QTMAN: variants seen among roughly 807,000 people sequenced by gnomAD.
QTMAN encodes the protein tRNA-queuosine alpha-mannosyltransferase.
chr2:144,195,031 C>T, the QTMAN span, among the ~76,000 whole-genome samples: 1 of 152,140 alleles, frequency 6.6e-6, no homozygotes, highest in Non-Finnish European at 1.5e-5. Flanking sequence ...ATTCATGCCC[C>T]ATCTAAAGCC....
the QTMAN span, among the ~76,000 whole-genome samples, chr2:144,028,348 G>A: frequency 6.6e-6 from 1 of 152,068 alleles, no homozygotes; most frequent in African/African-American, 2.4e-5. Context: ...AACCTAGAGA[G>A]TTATAATAAA....
the QTMAN span, among the ~76,000 whole-genome samples, chr2:144,104,442 G>A: frequency 3.9e-5 from 6 of 152,152 alleles, no homozygotes; most frequent in African/African-American, 4.8e-5. Flanking sequence ...CTTAGCAAAC[G>A]GCACACCAGG....
At chr2:143,940,212 G>A in the QTMAN span, 3 of 152,190 alleles carry the variant, frequency 2.0e-5, no homozygotes, top group African/African-American at 4.8e-5. Flanking sequence ...AAGGACAGAC[G>A]CTTTGGTTTG....
At chr2:144,087,239 T>C in the QTMAN span, among the ~76,000 whole-genome samples, 2 of 152,066 alleles carry the variant, frequency 1.3e-5, no homozygotes, top group Admixed American at 6.6e-5. Context: ...GTAGACAAAT[T>C]TCTTGAGAAA....
At chr2:144,271,946 C>T in the QTMAN span, among the ~76,000 whole-genome samples, 2 of 152,140 alleles carry the variant, frequency 1.3e-5, no homozygotes, top group Admixed American at 1.3e-4. Context: ...ATCCCATTTC[C>T]CTCCTTCTTT....
At chr2:144,274,229 G>C in the QTMAN span, among the ~76,000 whole-genome samples, 1 of 152,238 alleles carries the variant, frequency 6.6e-6, no homozygotes, top group Non-Finnish European at 1.5e-5. Flanking sequence ...GGCACTAGGA[G>C]AATCTTGTTC....
At chr2:143,988,865 T>C in the QTMAN span, among the ~76,000 whole-genome samples, 6 of 152,248 alleles carry the variant, frequency 3.9e-5, no homozygotes, top group African/African-American at 1.4e-4. Flanking sequence ...TATTTGGTAC[T>C]ATAGTTGAAA....
At chr2:143,970,817 A>T in the QTMAN span, 1 of 1,005,298 alleles carries the variant, frequency 9.9e-7, no homozygotes, top group Non-Finnish European at 1.6e-6. Flanking sequence ...TGTGTTAGGA[A>T]AAGTGGTTTC....
the QTMAN span, among the ~76,000 whole-genome samples, chr2:143,948,584 G>A: frequency 6.6e-6 from 1 of 151,994 alleles, no homozygotes; most frequent in African/African-American, 2.4e-5. Flanking sequence ...TTTCTATACT[G>A]GTAATGAGGG....
At chr2:144,193,422 TTATATATAATATATATTATG>T in the QTMAN span, among the ~76,000 whole-genome samples, 1 of 148,350 alleles carries the variant, frequency 6.7e-6, no homozygotes, top group African/African-American at 2.4e-5. Context: ...ATATATTATG[TTATATATAATATATATTATG>T]TATATATAAT....
the QTMAN span, among the ~76,000 whole-genome samples, chr2:144,282,168 G>T: frequency 2.0e-5 from 3 of 152,028 alleles, no homozygotes; most frequent in African/African-American, 7.2e-5. Flanking sequence ...CTAAACATGG[G>T]GCCCAGCATT....
At chr2:144,215,251 A>T in the QTMAN span, among the ~76,000 whole-genome samples, 6 of 140,080 alleles carry the variant, frequency 4.3e-5, no homozygotes, top group East Asian at 4.0e-4. Flanking sequence ...TTATTTTTTA[A>T]AAAAAAAAAA....
At chr2:144,258,044 T>A in the QTMAN span, among the ~76,000 whole-genome samples, 1 of 149,682 alleles carries the variant, frequency 6.7e-6, no homozygotes, top group African/African-American at 2.5e-5. Context: ...GGAGGAAAAA[T>A]CATAGATTAA....
chr2:144,076,649 T>C, the QTMAN span, among the ~76,000 whole-genome samples: 1 of 152,186 alleles, frequency 6.6e-6, no homozygotes, highest in African/African-American at 2.4e-5. Flanking sequence ...ATTTTTCACA[T>C]TACTTTGGGG....
At chr2:143,970,033 T>C in the QTMAN span, among the ~76,000 whole-genome samples, 2 of 152,358 alleles carry the variant, frequency 1.3e-5, no homozygotes, top group East Asian at 1.9e-4. Flanking sequence ...TGTGTGCTTA[T>C]GAATCCTCAT....
the QTMAN span, chr2:143,940,849 T>C: frequency 6.6e-6 from 1 of 152,234 alleles, no homozygotes; most frequent in Non-Finnish European, 1.5e-5. Context: ...GAGTCAGTTG[T>C]CCAGAAATAT....
the QTMAN span, among the ~76,000 whole-genome samples, chr2:144,303,926 A>G: frequency 3.3e-5 from 5 of 152,238 alleles, no homozygotes; most frequent in African/African-American, 1.2e-4. Flanking sequence ...GCGGGAACAG[A>G]TATCAGAGTT....
At chr2:144,044,795 C>T in the QTMAN span, among the ~76,000 whole-genome samples, 1 of 152,120 alleles carries the variant, frequency 6.6e-6, no homozygotes, top group Non-Finnish European at 1.5e-5. Flanking sequence ...TACTGGTGTA[C>T]AGTCCTGGCT....
chr2:144,143,320 T>C, the QTMAN span, among the ~76,000 whole-genome samples: 2 of 151,914 alleles, frequency 1.3e-5, no homozygotes, highest in African/African-American at 4.8e-5. Context: ...AGATCAATAC[T>C]ACTGGAAAGA....
Sources: gnomAD v4.1 joint callset for allele counts (sites outside exome capture counted in the v4.1 genomes callset) on GRCh38, gnomAD v4.1.1 for gene constraint, MANE v1.5 for transcripts, NCBI Gene and HGNC (gene_info 2026-07-23, HGNC 2026-07-21) for gene names.